Variants in NECTIN3 observed in about 807,000 individuals in gnomAD.
NECTIN3 encodes the protein nectin cell adhesion molecule 3.
In NECTIN3, 8 loss-of-function variants were observed where a neutral mutation model predicts 49.4. That is an observed-to-expected ratio of 0.16 (90% CI 0.10 to 0.29). NECTIN3 has a LOEUF of 0.29. Among genes scored for constraint, NECTIN3 ranks in the 10% least tolerant of loss-of-function variants. NECTIN3 has a pLI of 1.00. For synonymous variants in NECTIN3, 277 were observed against 241.1 expected, an observed-to-expected ratio of 1.15 and a Z score of -1.38; for missense variants, 581 against 654.6, an observed-to-expected ratio of 0.89 and a Z score of 1.23.
Position 111,193,277 on chromosome 3 carries a change from C to T in NECTIN3, c.63+864C>T, listed in dbSNP as rs558868192. ...AAGATGGCATTCAGCAGATGTACCC[C>T]CTTTACAATCAAATGTGCTACCAAG... is the stretch of plus-strand genomic sequence containing the variant. On this transcript the variant is annotated intron_variant, in intron 1 of 1. Transcript: ENST00000485506. The T allele has an allele frequency of 2.6e-6, 4 of 1,535,726 alleles. No homozygotes were observed. In the African/African-American group the frequency reaches 4.1e-5, roughly 16 times the overall value.
intron 7 of NECTIN3, among the ~76,000 whole-genome samples, chr3:111,157,019 T>C (rs1479289860): frequency 2.6e-5 from 4 of 152,168 alleles, no homozygotes; most frequent in South Asian, 4.1e-4. Flanking sequence ...GGGAATCTTA[T>C]TCTGAGAAAT....
At chr3:111,112,430 T>A (rs2033512868) in intron 2 of NECTIN3, 59 bp downstream of exon 2, 1 of 1,031,828 alleles carries the variant, frequency 9.7e-7, no homozygotes. Context: ...ATAAAAATAT[T>A]TTTAAGAAAT....
At chr3:111,140,468 C>A (rs1012274871), downstream of NECTIN3, among the ~76,000 whole-genome samples, 3 of 151,130 alleles carry the variant, frequency 2.0e-5, no homozygotes, top group Admixed American at 6.6e-5. Flanking sequence ...ATTTGTATTG[C>A]CAGTTATTAG....
intron 1 of NECTIN3, among the ~76,000 whole-genome samples, chr3:111,081,330 A>G (rs1321532607): frequency 1.3e-5 from 2 of 152,226 alleles, no homozygotes; most frequent in Admixed American, 6.5e-5. Context: ...CCACAACCCT[A>G]CAAAGCATCT....
At chr3:111,094,015 TG>T (rs2032433017) in intron 1 of NECTIN3, among the ~76,000 whole-genome samples, 1 of 152,158 alleles carries the variant, frequency 6.6e-6, no homozygotes, top group Non-Finnish European at 1.5e-5. Context: ...TTTATTTCAT[TG>T]GATATAAATT....
At chr3:111,127,125 G>C (rs567306602) in intron 5 of NECTIN3, among the ~76,000 whole-genome samples, 1 of 152,200 alleles carries the variant, frequency 6.6e-6, no homozygotes, top group African/African-American at 2.4e-5. Flanking sequence ...AAAATTAAGA[G>C]GTAAAAGGAA....
chr3:111,119,143 C>T (rs993993255), intron 3 of NECTIN3, among the ~76,000 whole-genome samples, 191 bp downstream of exon 3: 7 of 152,114 alleles, frequency 4.6e-5, no homozygotes, highest in African/African-American at 1.4e-4. Context: ...TTTAAAGTTG[C>T]TCTCCAACTT....
chr3:111,188,881 A>G (rs1047906483), upstream of NECTIN3, among the ~76,000 whole-genome samples: 5 of 152,144 alleles, frequency 3.3e-5, no homozygotes, highest in African/African-American at 1.2e-4. Flanking sequence ...ATAAGCACAG[A>G]ACAGCACATC....
At chr3:111,144,877 C>A in intron 5 of NECTIN3, 1 of 1,516,812 alleles carries the variant, frequency 6.6e-7, no homozygotes, top group African/African-American at 1.4e-5. Flanking sequence ...ATTTGAAAAG[C>A]CTAATTTTTG....
rs370074711 is a variant in NECTIN3, at chr3:111,112,004, T to C, written c.161-26T>C. The C allele has an allele frequency of 3.2e-5, 49 of 1,529,040 alleles. No individual in the cohort carries two copies. In the African/African-American group the frequency reaches 6.0e-4, roughly 19 times the overall value. The allele number at this position is 1,529,040 out of a possible 1,614,324, so 94.7% of individuals were successfully genotyped here. ...TGACCACTTTTTTCTATTTTAAAAATTGTAGTACTTTTTTTTCCTCCATAG... is the reference window on the plus strand; with the variant it reads ...TGACCACTTTTTTCTATTTTAAAAACTGTAGTACTTTTTTTTCCTCCATAG... On this transcript the variant is annotated intron_variant, in intron 1 of 5. Coordinates refer to ENST00000485303, the MANE Select transcript of NECTIN3 (RefSeq NM_015480.3).
At chr3:111,166,036 G>A (rs1403644837) in intron 7 of NECTIN3, among the ~76,000 whole-genome samples, 2 of 152,056 alleles carry the variant, frequency 1.3e-5, no homozygotes, top group Non-Finnish European at 2.9e-5. Flanking sequence ...CAAATTTCAG[G>A]GATTTAAAAC....
chr3:111,154,065 A>G (rs939085272), intron 7 of NECTIN3, among the ~76,000 whole-genome samples: 1 of 152,144 alleles, frequency 6.6e-6, no homozygotes, highest in Non-Finnish European at 1.5e-5. Context: ...TGTACTGCGC[A>G]CACACACAAA....
At chr3:111,171,131 T>C (rs1389518624) in intron 7 of NECTIN3, among the ~76,000 whole-genome samples, 1 of 152,228 alleles carries the variant, frequency 6.6e-6, no homozygotes, top group Non-Finnish European at 1.5e-5. Context: ...CATGCCGTTA[T>C]TATCTTCACC....
chr3:111,072,871 G>T, intron 1 of NECTIN3: 1 of 282,462 alleles, frequency 3.5e-6, no homozygotes, highest in Non-Finnish European at 6.7e-6. Flanking sequence ...CATGGACTGT[G>T]TGCCCCGGCT....
rs913546279 is a variant in NECTIN3, at chr3:111,135,127, A to G, written c.*912A>G. ...TACTAGTTTTAGAAATGAGACTTTC[A>G]GCCAACAATCTATAGAAAGAATTTT... On this transcript the variant is annotated 3_prime_UTR_variant, in exon 6 of 6. Coordinates refer to ENST00000485303, the MANE Select transcript of NECTIN3 (RefSeq NM_015480.3). 3 of 981,082 alleles carry G rather than the reference A, an allele frequency of 3.1e-6. No homozygotes were observed. The highest frequency in any genetic ancestry group is 3.6e-6 in the Non-Finnish European group (3 of 826,154). The allele number at this position is 981,082 out of a possible 1,614,324, so 60.8% of individuals were successfully genotyped here. A position where few individuals can be genotyped will look rare whatever the true frequency, so the allele number is the denominator to read the frequency against.
intron 7 of NECTIN3, among the ~76,000 whole-genome samples, chr3:111,185,446 T>G (rs1195661939): frequency 1.3e-5 from 2 of 152,220 alleles, no homozygotes; most frequent in Non-Finnish European, 2.9e-5. Context: ...GTCCAATTTT[T>G]TATTAGTTTA....
downstream of NECTIN3, among the ~76,000 whole-genome samples, chr3:111,141,877 T>C (rs2034754802): frequency 6.6e-6 from 1 of 151,944 alleles, no homozygotes; most frequent in African/African-American, 2.4e-5. Context: ...ACCTTAGTGT[T>C]TAAAAATGCC....
intron 7 of NECTIN3, among the ~76,000 whole-genome samples, chr3:111,171,711 A>G (rs1337008282): frequency 6.6e-6 from 1 of 152,052 alleles, no homozygotes; most frequent in Non-Finnish European, 1.5e-5. Context: ...GACCTCATAA[A>G]AAAAAAAACC....
intron 5 of NECTIN3, among the ~76,000 whole-genome samples, chr3:111,144,548 T>C (rs2034829063): frequency 6.6e-6 from 1 of 151,976 alleles, no homozygotes; most frequent in Admixed American, 6.6e-5. Context: ...TATTAGAGAA[T>C]ATTGATTTTT....
Sources: allele counts gnomAD v4.1 joint callset (sites outside exome capture counted in the v4.1 genomes callset), GRCh38; gene constraint gnomAD v4.1.1; transcripts MANE v1.5; gene names NCBI Gene and HGNC (gene_info 2026-07-23, HGNC 2026-07-21).